Variants in TSPAN14 observed in about 807,000 individuals in gnomAD.
TSPAN14 encodes tetraspanin 14.
Under a neutral mutation model 36.6 loss-of-function variants are expected in TSPAN14, and 16 were observed. That is an observed-to-expected ratio of 0.44 (90% confidence interval 0.30 to 0.66). The LOEUF (loss-of-function observed/expected upper bound fraction) is 0.66. Among genes scored for constraint, TSPAN14 ranks in the 30% least tolerant of loss-of-function variants. The probability of loss-of-function intolerance (pLI) is 0.12; values close to 1 mark genes in which losing one functional copy is unlikely to be tolerated. For missense variants in TSPAN14, 231 were observed against 355.1 expected, an observed-to-expected ratio of 0.65 and a Z score of 2.81; for synonymous variants, 139 against 143.8, an observed-to-expected ratio of 0.97 and a Z score of 0.24.
intron 7 of TSPAN14, among the ~76,000 whole-genome samples, chr10:80,514,602 T>C (rs1177054826): frequency 6.6e-6 from 1 of 152,168 alleles, no homozygotes; most frequent in Non-Finnish European, 1.5e-5. Flanking sequence ...TTTGGTGATA[T>C]GAATGACTGC....
intron 1 of TSPAN14, among the ~76,000 whole-genome samples, chr10:80,464,271 C>T (rs142208925): frequency 5.3e-5 from 8 of 152,288 alleles, no homozygotes; most frequent in African/African-American, 1.7e-4. Flanking sequence ...CTGTTCAGGC[C>T]GCCTTGGGCC....
chr10:80,483,796 G>A (rs2132000346), intron 1 of TSPAN14, among the ~76,000 whole-genome samples: 1 of 151,624 alleles, frequency 6.6e-6, no homozygotes, highest in Non-Finnish European at 1.5e-5. Context: ...TGTAATCTCA[G>A]CTACTCAGTA....
At chr10:80,489,350 G>A (rs760918002) in intron 2 of TSPAN14, 36 bp downstream of exon 2, 1 of 1,353,536 alleles carries the variant, frequency 7.4e-7, no homozygotes, top group Admixed American at 2.0e-5. Context: ...CCCTTGTTTA[G>A]TCCTTCATTC....
intron 1 of TSPAN14, among the ~76,000 whole-genome samples, chr10:80,456,492 A>G (rs75935286): frequency 0.022 from 3,393 of 152,314 alleles, 49 homozygotes; most frequent in Middle Eastern, 0.037. Flanking sequence ...TGAAGTTCCC[A>G]TGGAGGCCGG....
chr10:80,488,134 G>A (rs997542957), intron 1 of TSPAN14, among the ~76,000 whole-genome samples: 5 of 152,158 alleles, frequency 3.3e-5, no homozygotes, highest in African/African-American at 1.2e-4. Context: ...CTGGGAAGTG[G>A]GGGGTGAGCA....
chr10:80,521,911 GAAAAAAAAA>G (rs998499950), exon 9 of TSPAN14: 16 of 90,620 alleles, frequency 1.8e-4, no homozygotes, highest in Admixed American at 4.0e-4. Flanking sequence ...GCTCAAAAAA[GAAAAAAAAA>G]AAAAAAAAAA....
chr10:80,511,710 TCCTCTC>T (rs1279546138), intron 5 of TSPAN14, among the ~76,000 whole-genome samples: 5 of 52,274 alleles, frequency 9.6e-5, no homozygotes, highest in Non-Finnish European at 1.8e-4. Context: ...AAAGGGCAGG[TCCTCTC>T]TCTCTCTCTC....
chr10:80,475,689 G>A (rs1297179642), intron 1 of TSPAN14, among the ~76,000 whole-genome samples: 1 of 152,086 alleles, frequency 6.6e-6, no homozygotes, highest in Non-Finnish European at 1.5e-5. Flanking sequence ...CTGGGTTCAA[G>A]CAGTTCTCTG....
chr10:80,467,611 C>T (rs1300022814), intron 1 of TSPAN14, among the ~76,000 whole-genome samples: 2 of 152,196 alleles, frequency 1.3e-5, no homozygotes, highest in Non-Finnish European at 2.9e-5. Flanking sequence ...TCTCTCTTGC[C>T]AACTCAGGAT....
intron 1 of TSPAN14, among the ~76,000 whole-genome samples, chr10:80,482,162 GT>G (rs1475061077): frequency 1.4e-4 from 22 of 152,290 alleles, no homozygotes; most frequent in African/African-American, 4.3e-4. Context: ...GGGATCTGCT[GT>G]TTTCTCAACA....
intron 5 of TSPAN14, among the ~76,000 whole-genome samples, chr10:80,510,307 C>T (rs1158236194): frequency 6.6e-6 from 1 of 152,200 alleles, no homozygotes; most frequent in African/African-American, 2.4e-5. Context: ...AAAACTTGTT[C>T]ACCTTTATTT....
At chr10:80,486,455 G>A (rs1054000029) in intron 1 of TSPAN14, among the ~76,000 whole-genome samples, 1 of 152,258 alleles carries the variant, frequency 6.6e-6, no homozygotes, top group South Asian at 2.1e-4. Flanking sequence ...ACACAGACAC[G>A]TTTGCTAATG....
chr10:80,477,527 G>A (rs1183571085), intron 1 of TSPAN14, among the ~76,000 whole-genome samples: 2 of 152,168 alleles, frequency 1.3e-5, no homozygotes, highest in African/African-American at 2.4e-5. Context: ...AATTTTGCAA[G>A]CAAAGAGTAC....
intron 6 of TSPAN14, 135 bp from the exon 7 acceptor site, chr10:80,513,884 G>A (rs528685093): frequency 1.4e-6 from 1 of 731,646 alleles, no homozygotes; most frequent in African/African-American, 1.7e-5. Flanking sequence ...TTAGTTGGTG[G>A]CATGATTGAA....
intron 2 of TSPAN14, among the ~76,000 whole-genome samples, chr10:80,504,126 A>G (rs76637187): frequency 0.017 from 2,653 of 152,322 alleles, 102 homozygotes; most frequent in East Asian, 0.12. Flanking sequence ...TCCTGAGCAT[A>G]GATGCGCCCC....
chr10:80,485,936 G>C (rs1261732749), intron 1 of TSPAN14, among the ~76,000 whole-genome samples: 1 of 152,218 alleles, frequency 6.6e-6, no homozygotes, highest in African/African-American at 2.4e-5. Flanking sequence ...CGGTGCATGT[G>C]CTCTGGGTTG....
chr10:80,468,351 A>T (rs1371276845), intron 1 of TSPAN14, among the ~76,000 whole-genome samples: 3 of 152,232 alleles, frequency 2.0e-5, no homozygotes, highest in Non-Finnish European at 4.4e-5. Context: ...TGGTTAGAGT[A>T]GCTTTTACAG....
intron 2 of TSPAN14, among the ~76,000 whole-genome samples, chr10:80,492,733 G>A (rs573695331): frequency 1.3e-5 from 2 of 152,088 alleles, no homozygotes; most frequent in East Asian, 1.9e-4. Context: ...GGAGAATGGC[G>A]TGAACCCGGG....
chr10:80,502,607 GGGT>G (rs1166557221), intron 2 of TSPAN14, among the ~76,000 whole-genome samples: 1 of 152,264 alleles, frequency 6.6e-6, no homozygotes, highest in Middle Eastern at 3.4e-3. Context: ...TACACTTGCT[GGGT>G]GGACGGTGGT....
Sources: allele counts gnomAD v4.1 joint callset (sites outside exome capture counted in the v4.1 genomes callset), GRCh38; gene constraint gnomAD v4.1.1; transcripts MANE v1.5; gene names NCBI Gene and HGNC (gene_info 2026-07-23, HGNC 2026-07-21).